Variants in ASXL2 observed in about 807,000 individuals in gnomAD.
ASXL2 encodes the protein ASXL transcriptional regulator 2.
ASXL2 carries 23 observed loss-of-function variants against 122.0 expected under a neutral mutation model. The ratio of observed to expected loss-of-function variants is 0.19; its 90% CI spans 0.14 to 0.27. ASXL2 has a LOEUF of 0.27. Among genes scored for constraint, ASXL2 ranks in the 10% least tolerant of loss-of-function variants. ASXL2 has a pLI of 1.00. For synonymous variants in ASXL2, 650 were observed against 637.0 expected (o/e 1.02, Z -0.31); for missense variants, 1,518 against 1,713.8 (o/e 0.89, Z 2.02).
In ASXL2 at chr2:25,742,092, A is replaced by T. The variant is rs746550801; in HGVS notation, c.4245T>A (p.Ala1415=). ...KAMIMCKGCG[A]FCHDDCIGPS... ...GGCCGATGCAATCATCATGGCAGAAAGCGCCACAGCCTTTGCACATGATCA... is the reference window on the plus strand; with the variant it reads ...GGCCGATGCAATCATCATGGCAGAATGCGCCACAGCCTTTGCACATGATCA... Residue 1415 remains alanine (A), a synonymous_variant, in exon 13 of 13, where the codon GCT becomes GCA. Coordinates refer to ENST00000435504, the MANE Select transcript of ASXL2 (RefSeq NM_018263.6). 1 of 1,614,062 alleles carries T rather than the reference A, an allele frequency of 6.2e-7. No individual in the cohort carries two copies. Among genetic ancestry groups the T allele is most frequent in the Non-Finnish European group, 8.5e-7 (1 of 1,179,902 alleles).
At chr2:25,757,055 T>C (rs758177606) in intron 9 of ASXL2, among the ~76,000 whole-genome samples, 1 of 152,216 alleles carries the variant, frequency 6.6e-6, no homozygotes, top group Non-Finnish European at 1.5e-5. Context: ...TAACAAAGTA[T>C]ACCTCTTCCA....
chr2:25,870,339 A>G lies in ASXL2; in HGVS notation c.57+7827T>C, dbSNP rs189581129. 2.4e-3 allele frequency among the ~76,000 whole-genome samples: 370 copies of G among 152,296 alleles called. 1 individual carries two copies. Among genetic ancestry groups the G allele is most frequent in the Non-Finnish European group, 3.2e-3 (220 of 68,016 alleles). ...AGAGATTGAGACCATCCTGGCCAAC[A>G]TGGTGAAACCCCATCTCTACTAAAA... On this transcript the variant is annotated intron_variant, in intron 1 of 12. Transcript: ENST00000435504.
intron 9 of ASXL2, among the ~76,000 whole-genome samples, chr2:25,757,918 TAACAA>T (rs1464104527): frequency 2.4e-5 from 1 of 42,456 alleles, no homozygotes; most frequent in African/African-American, 1.3e-4. Context: ...CCTGAGTCTT[TAACAA>T]AAAAAAAAAA....
chr2:25,813,775 G>A (rs1170358937), intron 3 of ASXL2, among the ~76,000 whole-genome samples: 1 of 152,256 alleles, frequency 6.6e-6, no homozygotes, highest in Non-Finnish European at 1.5e-5. Context: ...TGTCGGCCGG[G>A]CGCAGTGGCT....
At chr2:25,818,234 C>T (rs1032598079) in intron 3 of ASXL2, among the ~76,000 whole-genome samples, 3 of 152,200 alleles carry the variant, frequency 2.0e-5, no homozygotes, top group Non-Finnish European at 2.9e-5. Context: ...TGCTGGGCCA[C>T]GCAGTGGCTC....
chr2:25,852,671 G>T (rs551485007), intron 1 of ASXL2, among the ~76,000 whole-genome samples: 1 of 152,328 alleles, frequency 6.6e-6, no homozygotes, highest in South Asian at 2.1e-4. Context: ...CAACGTTTAA[G>T]AGCCAGAGAA....
At chr2:25,842,992 T>C (rs1357469793) in intron 2 of ASXL2, among the ~76,000 whole-genome samples, 1 of 151,454 alleles carries the variant, frequency 6.6e-6, no homozygotes, top group Non-Finnish European at 1.5e-5. Context: ...TGGCTAATTT[T>C]TTTTTTTTTA....
intron 11 of ASXL2, among the ~76,000 whole-genome samples, chr2:25,752,346 G>A (rs1559501086): frequency 6.6e-6 from 1 of 152,044 alleles, no homozygotes; most frequent in South Asian, 2.1e-4. Flanking sequence ...TGTTGGGGGG[G>A]AAAAACTGAT....
chr2:25,746,416 A>G (rs907501245), intron 12 of ASXL2, among the ~76,000 whole-genome samples: 4 of 152,066 alleles, frequency 2.6e-5, no homozygotes, highest in Non-Finnish European at 4.4e-5. Flanking sequence ...TTTACTCATC[A>G]CATAGCATTT....
chr2:25,759,407 T>G lies in ASXL2; in HGVS notation c.939+75A>C, dbSNP rs190057711. The stretch of plus-strand genomic sequence containing the variant: ...ATGTAAAAATATTCTTACTTCTCAC[T>G]TAGTACCATTAATACCACTTTACAA... On this transcript the variant is annotated intron_variant, in intron 9 of 12. Transcript: ENST00000435504. 56 of 1,415,090 alleles carry G rather than the reference T, an allele frequency of 4.0e-5. No individual in the cohort carries two copies. The Admixed American group carries it at 8.4e-4, about 21-fold the overall frequency. The allele number at this position is 1,415,090 out of a possible 1,614,324, so 87.7% of individuals were successfully genotyped here.
intron 5 of ASXL2, among the ~76,000 whole-genome samples, chr2:25,784,100 T>A (rs561158989): frequency 6.3e-4 from 78 of 124,552 alleles, no homozygotes; most frequent in East Asian, 4.7e-3. Context: ...TAAATAAATA[T>A]AAAGTTAGCC....
intron 3 of ASXL2, chr2:25,810,132 G>C: frequency 1.8e-6 from 1 of 557,526 alleles, no homozygotes; most frequent in Non-Finnish European, 3.5e-6. Flanking sequence ...TTCTTTTTGA[G>C]AGTACTTTTC....
At chr2:25,842,769 CGTGTGTGT>C (rs70950126) in intron 2 of ASXL2, among the ~76,000 whole-genome samples, 1,467 of 145,106 alleles carry the variant, frequency 0.01, 9 homozygotes, top group Admixed American at 0.013. Context: ...CGTGTGTGCA[CGTGTGTGT>C]GTGTGTGTGT....
intron 1 of ASXL2, among the ~76,000 whole-genome samples, chr2:25,854,929 C>T (rs1055820950): frequency 2.0e-4 from 31 of 152,198 alleles, no homozygotes; most frequent in African/African-American, 7.5e-4. Flanking sequence ...AACAGGCTTA[C>T]TGTAGAGCAC....
intron 10 of ASXL2, among the ~76,000 whole-genome samples, chr2:25,753,877 C>T (rs567790809): frequency 6.6e-5 from 10 of 152,300 alleles, no homozygotes; most frequent in Admixed American, 2.0e-4. Context: ...AAAGCCTTTT[C>T]GCTGGGCTTC....
chr2:25,868,984 G>A (rs1280367334), intron 1 of ASXL2, among the ~76,000 whole-genome samples: 1 of 151,878 alleles, frequency 6.6e-6, no homozygotes, highest in African/African-American at 2.4e-5. Flanking sequence ...GGCCAACATG[G>A]TGAAACCCCA....
At chr2:25,834,580 T>G (rs886419856) in intron 3 of ASXL2, among the ~76,000 whole-genome samples, 2 of 152,152 alleles carry the variant, frequency 1.3e-5, no homozygotes, top group Admixed American at 6.5e-5. Context: ...TACGCTCTAA[T>G]TATAACCCAA....
chr2:25,744,294 A>AGCAGCTGCGGCGGCAGCG lies in ASXL2; in HGVS notation c.2025_2042dup (p.Ala679_Ala684dup), dbSNP rs1418950108. On this transcript the variant is annotated inframe_insertion, in exon 13 of 13. Coordinates refer to ENST00000435504, the MANE Select transcript of ASXL2 (RefSeq NM_018263.6). The surrounding 1 kb of genome is among the most constrained non-coding windows in gnomAD (Gnocchi z 4.7). ...TGGTCCCTCCAACTGAGGCGGCTGC[A>AGCAGCTGCGGCGGCAGCG]GCAGCTGCGGCGGCAGCGGCAGCTG... is the stretch of plus-strand genomic sequence containing the variant. The AGCAGCTGCGGCGGCAGCG allele has an allele frequency of 3.7e-6, 6 of 1,611,348 alleles. No individual in the cohort carries two copies. Among genetic ancestry groups the AGCAGCTGCGGCGGCAGCG allele is most frequent in the African/African-American group, 1.3e-5 (1 of 74,670 alleles).
chr2:25,750,828 T>C (rs1303572102), intron 11 of ASXL2, among the ~76,000 whole-genome samples: 2 of 152,224 alleles, frequency 1.3e-5, no homozygotes, highest in Non-Finnish European at 2.9e-5. Flanking sequence ...ACAGACTACC[T>C]GCAAGGGAAC....
Sources: gnomAD v4.1 joint callset for allele counts (sites outside exome capture counted in the v4.1 genomes callset) on GRCh38, gnomAD v4.1.1 for gene constraint, Gnocchi (gnomAD v3.1) non-coding constraint, MANE v1.5 for transcripts, NCBI Gene and HGNC (gene_info 2026-07-23, HGNC 2026-07-21) for gene names.